HNF4G: variants seen among roughly 807,000 people sequenced by gnomAD.
HNF4G encodes the protein hepatocyte nuclear factor 4 gamma, also known as hepatocyte nuclear factor 4-gamma.
A neutral mutation model predicts 50.9 loss-of-function variants in HNF4G; 21 were observed. The ratio of observed to expected loss-of-function variants is 0.41; its 90% CI spans 0.29 to 0.59. The LOEUF is 0.59. HNF4G is among the 20% of genes least tolerant of loss of function. HNF4G has a pLI of 0.26. For synonymous variants in HNF4G, 198 were observed against 185.6 expected (o/e 1.07, Z -0.54); for missense variants, 527 against 559.4 (o/e 0.94, Z 0.58).
intron 2 of HNF4G, among the ~76,000 whole-genome samples, chr8:75,544,650 G>GT (rs11320101): frequency 0.011 from 1,663 of 145,114 alleles, 10 homozygotes; most frequent in Admixed American, 0.016. Flanking sequence ...GTTTTCTTGG[G>GT]TTTTTTTTTT....
chr8:75,497,591 G>A (rs567314567), intron 2 of HNF4G, among the ~76,000 whole-genome samples: 2 of 151,962 alleles, frequency 1.3e-5, no homozygotes, highest in South Asian at 4.2e-4. Flanking sequence ...GGCTGAGGCA[G>A]GAGAATTGCT....
intron 1 of HNF4G, among the ~76,000 whole-genome samples, chr8:75,448,409 C>T (rs1272140720): frequency 1.7e-5 from 2 of 118,472 alleles, no homozygotes; most frequent in East Asian, 2.5e-4. Context: ...TGCACATGTA[C>T]CCTAAAACTT....
chr8:75,447,644 A>T (rs1176788418), intron 1 of HNF4G, among the ~76,000 whole-genome samples: 1 of 152,180 alleles, frequency 6.6e-6, no homozygotes, highest in African/African-American at 2.4e-5. Context: ...ACACTTCTCA[A>T]AAGAATACAT....
At chr8:75,410,704 G>T (rs1199041289) in intron 1 of HNF4G, among the ~76,000 whole-genome samples, 1 of 152,162 alleles carries the variant, frequency 6.6e-6, no homozygotes, top group Non-Finnish European at 1.5e-5. Flanking sequence ...GCAAAAGTAT[G>T]ATTTTAAATG....
At chr8:75,438,272 C>G (rs1205793010) in intron 1 of HNF4G, among the ~76,000 whole-genome samples, 1 of 152,170 alleles carries the variant, frequency 6.6e-6, no homozygotes, top group Non-Finnish European at 1.5e-5. Flanking sequence ...TTCTCATTCC[C>G]TATTTGTCTC....
At chr8:75,421,372 T>A (rs958700413) in intron 1 of HNF4G, among the ~76,000 whole-genome samples, 1 of 152,232 alleles carries the variant, frequency 6.6e-6, no homozygotes, top group African/African-American at 2.4e-5. Context: ...TCATCTGGGA[T>A]GACTTTTTAT....
At chr8:75,438,146 T>C (rs995354549) in intron 1 of HNF4G, among the ~76,000 whole-genome samples, 1 of 152,206 alleles carries the variant, frequency 6.6e-6, no homozygotes, top group Admixed American at 6.5e-5. Context: ...AACAGCATGT[T>C]GACAGGTATG....
chr8:75,414,086 G>C (rs1810570683), intron 1 of HNF4G, among the ~76,000 whole-genome samples: 1 of 152,002 alleles, frequency 6.6e-6, no homozygotes, highest in Non-Finnish European at 1.5e-5. Context: ...ACAAATGTAT[G>C]TAGTTTTGTA....
chr8:75,494,915 T>A (rs2130691732), intron 2 of HNF4G, among the ~76,000 whole-genome samples: 1 of 152,292 alleles, frequency 6.6e-6, no homozygotes, highest in Middle Eastern at 3.4e-3. Context: ...TGACCTGCTA[T>A]CTATAAGCAA....
chr8:75,426,514 C>T (rs1054623795), intron 1 of HNF4G, among the ~76,000 whole-genome samples: 2 of 152,128 alleles, frequency 1.3e-5, no homozygotes, highest in African/African-American at 4.8e-5. Context: ...AAAAAATTTC[C>T]TTCAACACAG....
intron 1 of HNF4G, among the ~76,000 whole-genome samples, chr8:75,486,638 AC>A (rs1274785420): frequency 6.6e-6 from 1 of 152,304 alleles, no homozygotes; most frequent in East Asian, 1.9e-4. Context: ...CAGGCAAAAA[AC>A]AAACAAACAA....
chr8:75,549,599 G>GT lies in HNF4G; in HGVS notation c.383-1780dup, dbSNP rs1352117008. Among the ~76,000 whole-genome samples, 458 of 138,950 alleles carry GT rather than the reference G, an allele frequency of 3.3e-3. 1 individual carries two copies. Among genetic ancestry groups the GT allele is most frequent in the Non-Finnish European group, 4.9e-3 (314 of 63,892 alleles). 91.2% of individuals were successfully genotyped at this position (138,950 alleles called of 152,430 possible). ...TTTCTCAGAATGCTTCTGGGTAGTT[G>GT]TTTTTTTTTAATTATTATTATTATT... On this transcript the variant is annotated intron_variant, in intron 3 of 9. Coordinates refer to ENST00000396423, the MANE Select transcript of HNF4G (RefSeq NM_004133.5).
chr8:75,423,781 C>G (rs1810827518), intron 1 of HNF4G, among the ~76,000 whole-genome samples: 1 of 144,386 alleles, frequency 6.9e-6, no homozygotes, highest in Non-Finnish European at 1.5e-5. Flanking sequence ...CACACATATA[C>G]TTCCTTCTTT....
intron 1 of HNF4G, among the ~76,000 whole-genome samples, chr8:75,464,234 TCTC>T (rs915497712): frequency 1.1e-4 from 12 of 104,424 alleles, no homozygotes; most frequent in African/African-American, 7.2e-4. Flanking sequence ...ATGGATTCTC[TCTC>T]TTTTTTTTTT....
At chr8:75,530,938 A>G (rs577888088) in intron 2 of HNF4G, among the ~76,000 whole-genome samples, 39 of 151,954 alleles carry the variant, frequency 2.6e-4, no homozygotes, top group Middle Eastern at 6.8e-3. Context: ...GACTACGGGC[A>G]TGCACCACCA....
chr8:75,519,780 G>A (rs1805991069), intron 2 of HNF4G, among the ~76,000 whole-genome samples: 2 of 151,928 alleles, frequency 1.3e-5, no homozygotes, highest in South Asian at 4.1e-4. Flanking sequence ...CTTTTAATCT[G>A]TTTACGTCTT....
At chr8:75,486,114 A>G (rs1437554420) in intron 1 of HNF4G, among the ~76,000 whole-genome samples, 2 of 152,198 alleles carry the variant, frequency 1.3e-5, no homozygotes, top group South Asian at 2.1e-4. Flanking sequence ...TGAATGAATG[A>G]CTGAATGAAT....
chr8:75,539,834 T>C, upstream of HNF4G: 1 of 591,096 alleles, frequency 1.7e-6, no homozygotes, highest in Non-Finnish European at 3.1e-6. Context: ...CCCCTCCCAT[T>C]GCAGCTCTTA....
intron 5 of HNF4G, among the ~76,000 whole-genome samples, chr8:75,555,764 G>C (rs1440021923): frequency 6.7e-6 from 1 of 148,984 alleles, no homozygotes; most frequent in African/African-American, 2.5e-5. Context: ...CCATTGTATT[G>C]ATTTGCTAGA....
Sources: gnomAD v4.1 joint callset for allele counts (sites outside exome capture counted in the v4.1 genomes callset) on GRCh38, gnomAD v4.1.1 for gene constraint, MANE v1.5 for transcripts, NCBI Gene and HGNC (gene_info 2026-07-23, HGNC 2026-07-21) for gene names.